ZPBP: variants seen among roughly 807,000 people sequenced by gnomAD.
ZPBP encodes zona pellucida binding protein, also known as zona pellucida-binding protein 1.
ZPBP carries 26 observed loss-of-function variants against 44.8 expected under a neutral mutation model. That is an observed-to-expected ratio of 0.58 (90% confidence interval 0.43 to 0.81). The LOEUF is 0.81. Ranked by LOEUF, ZPBP falls within the 30% of genes least tolerant of loss-of-function variation. The pLI, the probability that ZPBP is intolerant of heterozygous loss-of-function variation, is 0.00. For missense variants in ZPBP, 409 were observed against 434.0 expected (o/e 0.94, Z 0.51); for synonymous variants, 174 against 153.2 (o/e 1.14, Z -1.00).
At chr7:50,086,007 G>T (rs1802621351) in intron 2 of ZPBP, among the ~76,000 whole-genome samples, 1 of 152,080 alleles carries the variant, frequency 6.6e-6, no homozygotes, top group Non-Finnish European at 1.5e-5. Context: ...CTATCTGAAA[G>T]GTACGTCACA....
intron 1 of ZPBP, among the ~76,000 whole-genome samples, chr7:49,909,832 G>A (rs1301430079): frequency 2.0e-5 from 3 of 152,270 alleles, no homozygotes; most frequent in South Asian, 4.2e-4. Flanking sequence ...GGCTGGGTGC[G>A]GCAACTCATT....
intron 7 of ZPBP, chr7:49,943,260 A>G (rs951781019): frequency 1.0e-5 from 3 of 298,788 alleles, no homozygotes; most frequent in Non-Finnish European, 1.3e-5. Context: ...TACAACATCA[A>G]TGCAGTCTTC....
intron 6 of ZPBP, among the ~76,000 whole-genome samples, chr7:49,993,421 T>C (rs1019607265): frequency 3.9e-5 from 6 of 152,170 alleles, no homozygotes; most frequent in African/African-American, 1.4e-4. Context: ...TCCAAATATA[T>C]TGATAACTAA....
rs72332840 is a variant in ZPBP at position 49,871,908 on chromosome 7, A to AACACACAC, written n.510-21402_510-21395dup. On this transcript the variant is annotated intron_variant and non_coding_transcript_variant, in intron 2 of 2. Coordinates refer to the ZPBP transcript ENST00000465922. Reference sequence around the variant, plus strand: ...TTTTGTATGTATATGTGTGTATATAAACACACACACACACACACACACACA... The same window carrying AACACACAC: ...TTTTGTATGTATATGTGTGTATATAAACACACACACACACACACACACACACACACACA... Among the ~76,000 whole-genome samples, 124 of 87,918 alleles carry AACACACAC rather than the reference A, an allele frequency of 1.4e-3. 1 individual carries two copies. Among genetic ancestry groups the AACACACAC allele is most frequent in the South Asian group, 7.5e-3 (15 of 1,992 alleles). 57.7% of individuals were successfully genotyped at this position (87,918 alleles called of 152,430 possible). A position where few individuals can be genotyped will look rare whatever the true frequency, so the allele number is the denominator to read the frequency against.
At chr7:50,003,865 A>C (rs191039194) in intron 6 of ZPBP, among the ~76,000 whole-genome samples, 21 of 152,326 alleles carry the variant, frequency 1.4e-4, no homozygotes, top group African/African-American at 4.8e-4. Flanking sequence ...ATCTTCAGAA[A>C]CCAACCCTAA....
intron 4 of ZPBP, among the ~76,000 whole-genome samples, chr7:50,040,216 T>C (rs1319238609): frequency 6.6e-6 from 1 of 152,218 alleles, no homozygotes; most frequent in Non-Finnish European, 1.5e-5. Flanking sequence ...TATATCCAAC[T>C]ACACTATATA....
At chr7:49,957,100 C>T (rs1416027233) in intron 7 of ZPBP, among the ~76,000 whole-genome samples, 1 of 152,192 alleles carries the variant, frequency 6.6e-6, no homozygotes, top group Non-Finnish European at 1.5e-5. Flanking sequence ...CTGTTTCTCT[C>T]TCTGTCTCAC....
chr7:50,040,874 C>T (rs953236104), intron 4 of ZPBP, among the ~76,000 whole-genome samples: 1 of 152,184 alleles, frequency 6.6e-6, no homozygotes, highest in Non-Finnish European at 1.5e-5. Flanking sequence ...GCAGATCCCA[C>T]CCCTACAGAG....
intron 1 of ZPBP, among the ~76,000 whole-genome samples, chr7:49,909,333 G>A (rs1371605837): frequency 6.9e-6 from 1 of 144,128 alleles, no homozygotes; most frequent in Non-Finnish European, 1.5e-5. Context: ...ATACAGAAAA[G>A]AAGGCATGCC....
intron 6 of ZPBP, among the ~76,000 whole-genome samples, chr7:50,015,885 T>A (rs1291473646): frequency 6.6e-6 from 1 of 152,096 alleles, no homozygotes; most frequent in Non-Finnish European, 1.5e-5. Flanking sequence ...CCAGTAAGAA[T>A]GGCTATTATT....
chr7:49,918,480 C>T (rs1232579057), intron 1 of ZPBP: 1 of 152,168 alleles, frequency 6.6e-6, no homozygotes, highest in East Asian at 1.9e-4. Flanking sequence ...TGTAGCCTCC[C>T]TAGTCTAAAT....
downstream of ZPBP, among the ~76,000 whole-genome samples, chr7:49,847,711 G>T (rs1434501113): frequency 6.6e-6 from 1 of 152,186 alleles, no homozygotes; most frequent in Non-Finnish European, 1.5e-5. Context: ...GGAAGAAGGG[G>T]TGAGGCGGGC....
chr7:50,013,412 C>T (rs1042904565), intron 6 of ZPBP, among the ~76,000 whole-genome samples: 1 of 151,792 alleles, frequency 6.6e-6, no homozygotes, highest in Non-Finnish European at 1.5e-5. Flanking sequence ...TACAGAAGTT[C>T]AACATTACAC....
At chr7:49,856,274 A>G (rs932762789) in intron 2 of ZPBP, among the ~76,000 whole-genome samples, 1 of 152,104 alleles carries the variant, frequency 6.6e-6, no homozygotes, top group African/African-American at 2.4e-5. Flanking sequence ...CCCCTTGGTA[A>G]TGAGTGGGTT....
At chr7:50,033,657 T>G (rs1356947806) in intron 4 of ZPBP, among the ~76,000 whole-genome samples, 1 of 142,076 alleles carries the variant, frequency 7.0e-6, no homozygotes, top group Non-Finnish European at 1.6e-5. Context: ...TATAATAACG[T>G]CAATAATTAT....
At chr7:50,031,345 G>A in intron 4 of ZPBP, 35 bp from the exon 5 acceptor site, 1 of 1,514,166 alleles carries the variant, frequency 6.6e-7, no homozygotes, top group East Asian at 2.3e-5. Context: ...ACACAAAAAT[G>A]GTTATTTAAA....
chr7:49,982,209 A>ATATTG (rs1797025130), intron 7 of ZPBP, among the ~76,000 whole-genome samples: 4 of 82,964 alleles, frequency 4.8e-5, no homozygotes, highest in African/African-American at 1.6e-4. Context: ...TATTATATAT[A>ATATTG]TATATAATGT....
intron 7 of ZPBP, among the ~76,000 whole-genome samples, chr7:49,949,866 A>G (rs748842137): frequency 1.3e-5 from 2 of 152,012 alleles, no homozygotes; most frequent in Non-Finnish European, 2.9e-5. Context: ...TAATATCTAC[A>G]ATTTGATTAT....
chr7:49,981,148 T>C (rs1454940898), intron 7 of ZPBP, among the ~76,000 whole-genome samples: 4 of 141,952 alleles, frequency 2.8e-5, no homozygotes, highest in Non-Finnish European at 4.5e-5. Context: ...TTTATATATA[T>C]AAAATCACTG....
Sources: gnomAD v4.1 joint callset for allele counts (sites outside exome capture counted in the v4.1 genomes callset) on GRCh38, gnomAD v4.1.1 for gene constraint, MANE v1.5 for transcripts, NCBI Gene and HGNC (gene_info 2026-07-23, HGNC 2026-07-21) for gene names.